Variants in AOAH observed in about 807,000 individuals in gnomAD.
AOAH encodes acyloxyacyl hydrolase (neutrophil).
In AOAH, 64 loss-of-function variants were observed where a neutral mutation model predicts 92.2. The ratio of observed to expected loss-of-function variants is 0.69; its 90% confidence interval spans 0.57 to 0.86. The LOEUF is 0.86. Ranked by LOEUF, AOAH falls within the 40% of genes least tolerant of loss-of-function variation. AOAH has a pLI of 0.00. For synonymous variants in AOAH, 263 were observed against 254.5 expected, an observed-to-expected ratio of 1.03 and a Z score of -0.32; for missense variants, 656 against 694.6, an observed-to-expected ratio of 0.94 and a Z score of 0.62.
chr7:36,600,998 C>T (rs1292018596), intron 11 of AOAH, among the ~76,000 whole-genome samples: 2 of 151,824 alleles, frequency 1.3e-5, no homozygotes, highest in Non-Finnish European at 2.9e-5. Flanking sequence ...ACACACCCTA[C>T]TCTTCTGCAC....
rs149922371 is a variant in AOAH at position 36,521,227 on chromosome 7, G to A, written c.1599+812C>T. ...CCATGCTTCCCCCACGGCTGGAGCA[G>A]AAAGGCTCTAGTGATGTGGTATTGC... On this transcript the variant is annotated intron_variant, in intron 20 of 20. Coordinates refer to ENST00000617537, the MANE Select transcript of AOAH (RefSeq NM_001637.4). Among the ~76,000 whole-genome samples the A allele has an allele frequency of 3.7e-3, 562 of 152,316 alleles. 2 individuals are homozygous for A. The highest frequency in any genetic ancestry group is 0.012 in the African/African-American group (494 of 41,574).
At chr7:36,715,420 AT>A (rs1371796101) in intron 1 of AOAH, among the ~76,000 whole-genome samples, 1 of 152,236 alleles carries the variant, frequency 6.6e-6, no homozygotes, top group South Asian at 2.1e-4. Flanking sequence ...TATAGATTCA[AT>A]GTCATCCCCA....
At chr7:36,535,024 C>CTG (rs10669954) in intron 16 of AOAH, among the ~76,000 whole-genome samples, 5,848 of 144,952 alleles carry the variant, frequency 0.04, 215 homozygotes, top group Admixed American at 0.08. Flanking sequence ...GTGTCTGTGT[C>CTG]TGTGTGTGTG....
chr7:36,665,058 T>C (rs1288366347), intron 3 of AOAH, among the ~76,000 whole-genome samples: 1 of 152,192 alleles, frequency 6.6e-6, no homozygotes. Context: ...ACCTCCAGCA[T>C]GAGAAGTCAC....
At chr7:36,633,945 A>G in intron 5 of AOAH, among the ~76,000 whole-genome samples, 1 of 152,228 alleles carries the variant, frequency 6.6e-6, no homozygotes, top group Admixed American at 6.5e-5. Flanking sequence ...CGCCGCACAA[A>G]TCTGCCTCCA....
chr7:36,698,741 G>A (rs1371372153), intron 1 of AOAH, among the ~76,000 whole-genome samples: 1 of 152,056 alleles, frequency 6.6e-6, no homozygotes, highest in Non-Finnish European at 1.5e-5. Flanking sequence ...ATCATATAAT[G>A]TTTAAAGATA....
chr7:36,678,579 G>GTGTGTT (rs1554314276), intron 2 of AOAH, among the ~76,000 whole-genome samples: 24 of 119,918 alleles, frequency 2.0e-4, no homozygotes, highest in Middle Eastern at 3.9e-3. Flanking sequence ...GTGTGTGTGT[G>GTGTGTT]TGTGTGTGTG....
intron 11 of AOAH, among the ~76,000 whole-genome samples, chr7:36,596,441 T>G (rs973725753): frequency 1.6e-4 from 24 of 152,174 alleles, no homozygotes; most frequent in Non-Finnish European, 2.9e-4. Flanking sequence ...AATGTGACCT[T>G]GTTTGGAAAT....
intron 3 of AOAH, among the ~76,000 whole-genome samples, chr7:36,662,194 A>G (rs867618560): frequency 5.3e-5 from 8 of 152,226 alleles, no homozygotes; most frequent in East Asian, 1.9e-4. Flanking sequence ...TATTTTGAGG[A>G]TAACCAATAT....
intron 1 of AOAH, among the ~76,000 whole-genome samples, chr7:36,708,377 T>G (rs1798559694): frequency 6.6e-6 from 1 of 152,206 alleles, no homozygotes; most frequent in South Asian, 2.1e-4. Flanking sequence ...TTAAGTCTAG[T>G]ATTTCCATTT....
At chr7:36,527,480 C>T (rs1273860346) in intron 19 of AOAH, among the ~76,000 whole-genome samples, 1 of 152,034 alleles carries the variant, frequency 6.6e-6, no homozygotes. Context: ...TGCATTTCTA[C>T]CATACCTTCC....
chr7:36,517,228 C>CTTTCTTTCTTTCTG (rs200489121), intron 20 of AOAH, among the ~76,000 whole-genome samples: 1 of 54,784 alleles, frequency 1.8e-5, no homozygotes, highest in Non-Finnish European at 4.0e-5. Flanking sequence ...TTCTTTCTGT[C>CTTTCTTTCTTTCTG]TCTCTCTCTC....
chr7:36,532,628 A>G (rs1386560310), intron 16 of AOAH, among the ~76,000 whole-genome samples: 2 of 152,180 alleles, frequency 1.3e-5, no homozygotes, highest in African/African-American at 4.8e-5. Context: ...ATCTGGACTC[A>G]GGAAAAAGAA....
chr7:36,573,250 T>C (rs971264177), intron 13 of AOAH, among the ~76,000 whole-genome samples: 2 of 152,180 alleles, frequency 1.3e-5, no homozygotes, highest in Non-Finnish European at 2.9e-5. Flanking sequence ...CCCTCTTCCA[T>C]GTGCTGGCTG....
intron 15 of AOAH, among the ~76,000 whole-genome samples, chr7:36,547,547 AT>A (rs1785890897): frequency 6.6e-6 from 1 of 152,240 alleles, no homozygotes; most frequent in African/African-American, 2.4e-5. Flanking sequence ...CAGCTCTGCC[AT>A]TAATCAACCC....
At chr7:36,707,989 T>C (rs959966154) in intron 1 of AOAH, among the ~76,000 whole-genome samples, 2 of 152,052 alleles carry the variant, frequency 1.3e-5, no homozygotes, top group African/African-American at 2.4e-5. Context: ...GATGGAGTCT[T>C]GTTACGTTGC....
At chr7:36,673,055 A>G (rs1039088803) in intron 3 of AOAH, among the ~76,000 whole-genome samples, 1 of 152,196 alleles carries the variant, frequency 6.6e-6, no homozygotes, top group African/African-American at 2.4e-5. Context: ...GGGAGGGACC[A>G]TAGGAGCAGA....
chr7:36,549,167 C>T (rs1471488467), intron 14 of AOAH, among the ~76,000 whole-genome samples: 1 of 152,170 alleles, frequency 6.6e-6, no homozygotes, highest in Non-Finnish European at 1.5e-5. Context: ...AATGTTTTCT[C>T]ATTCATAAAG....
chr7:36,701,037 G>A (rs1272871643), intron 1 of AOAH, among the ~76,000 whole-genome samples: 1 of 151,612 alleles, frequency 6.6e-6, no homozygotes, highest in Admixed American at 6.6e-5. Context: ...AGTTATTTAG[G>A]GCTATTTTGT....
Sources: gnomAD v4.1 joint callset for allele counts (sites outside exome capture counted in the v4.1 genomes callset) on GRCh38, gnomAD v4.1.1 for gene constraint, MANE v1.5 for transcripts, NCBI Gene and HGNC (gene_info 2026-07-23, HGNC 2026-07-21) for gene names.